CNOT4: variants seen among roughly 807,000 people sequenced by gnomAD.
CNOT4 encodes the protein CCR4-associated factor 4.
CNOT4 carries 8 observed loss-of-function variants against 73.8 expected under a neutral mutation model. The observed-to-expected ratio is 0.11, with a 90% confidence interval of 0.06 to 0.20. The LOEUF (loss-of-function observed/expected upper bound fraction) is 0.20, where lower values mean the gene tolerates loss of function less well. CNOT4 is among the 10% of genes least tolerant of loss of function. The pLI is 1.00. For missense variants in CNOT4, 564 were observed against 883.4 expected, an observed-to-expected ratio of 0.64 and a Z score of 4.58; for synonymous variants, 293 against 321.1, an observed-to-expected ratio of 0.91 and a Z score of 0.94.
chr7:135,377,368 G>A (rs571689243), intron 10 of CNOT4, among the ~76,000 whole-genome samples: 1 of 152,280 alleles, frequency 6.6e-6, no homozygotes, highest in South Asian at 2.1e-4. Context: ...CCCTGGTTGG[G>A]GGTGCTGATA....
chr7:135,413,673 G>A, intron 5 of CNOT4, 60 bp from the exon 6 acceptor site: 1 of 1,530,236 alleles, frequency 6.5e-7, no homozygotes, highest in Admixed American at 2.0e-5. Context: ...AACACAATGA[G>A]AATCTCCATG....
In CNOT4 at chr7:135,470,619, G is replaced by A. The variant is rs74683794; in HGVS notation, c.-92-32196C>T. Among the ~76,000 whole-genome samples, 338 of 150,478 alleles carry A rather than the reference G, an allele frequency of 2.2e-3. 12 individuals are homozygous for A. The East Asian group carries it at 0.054, about 24-fold the overall frequency. ...TCCATCAACATGTAAATGAATAAAT[G>A]AACTGTGGTATACTCATTCAACAGA... On this transcript the variant is annotated intron_variant, in intron 1 of 11. Transcript: ENST00000541284.
intron 7 of CNOT4, among the ~76,000 whole-genome samples, chr7:135,405,964 CTTCT>C (rs745594948): frequency 6.6e-5 from 10 of 152,034 alleles, no homozygotes; most frequent in Non-Finnish European, 1.2e-4. Flanking sequence ...AAATGAAACC[CTTCT>C]TTGAGTTTCT....
At chr7:135,418,981 C>G (rs563906676) in intron 3 of CNOT4, among the ~76,000 whole-genome samples, 1 of 152,264 alleles carries the variant, frequency 6.6e-6, no homozygotes, top group South Asian at 2.1e-4. Context: ...TACTTCCCCC[C>G]TACCCGCCCC....
At chr7:135,445,392 A>C (rs1248363983) in intron 1 of CNOT4, among the ~76,000 whole-genome samples, 1 of 152,196 alleles carries the variant, frequency 6.6e-6, no homozygotes, top group African/African-American at 2.4e-5. Flanking sequence ...TTCCCTCTCT[A>C]GTCAGTAGAT....
rs112506724 is a variant in CNOT4, at chr7:135,398,668, T to G, written c.822-442A>C. Reference sequence around the variant, plus strand: ...AATCTCTACCCTTAAGGAACTTACATTGTAATTAGATTCTCCAAAAATAAT... The same window carrying G: ...AATCTCTACCCTTAAGGAACTTACAGTGTAATTAGATTCTCCAAAAATAAT... On this transcript the variant is annotated intron_variant, in intron 7 of 11. Transcript: ENST00000541284. Among the ~76,000 whole-genome samples the G allele has an allele frequency of 5.7e-3, 862 of 152,204 alleles. 3 individuals are homozygous for G. The highest frequency in any genetic ancestry group is 9.1e-3 in the Non-Finnish European group (616 of 67,932).
intron 1 of CNOT4, among the ~76,000 whole-genome samples, chr7:135,465,837 C>T (rs915773257): frequency 1.3e-5 from 2 of 151,656 alleles, no homozygotes; most frequent in Admixed American, 1.3e-4. Flanking sequence ...CACTTGAGGT[C>T]AGGAGTTCGA....
intron 3 of CNOT4, among the ~76,000 whole-genome samples, chr7:135,416,689 G>A (rs548942831): frequency 2.0e-5 from 3 of 152,254 alleles, no homozygotes; most frequent in East Asian, 1.9e-4. Flanking sequence ...CAGTCAGGCC[G>A]GTCACAGGTT....
chr7:135,483,594 G>A (rs1802528637), intron 1 of CNOT4, among the ~76,000 whole-genome samples: 1 of 151,966 alleles, frequency 6.6e-6, no homozygotes, highest in Non-Finnish European at 1.5e-5. Flanking sequence ...GGAGAGCAGG[G>A]AGGGCAGATT....
rs1796550229 is a variant in CNOT4, at chr7:135,394,118, A to T, written c.1427T>A (p.Phe476Tyr). 1 of 1,614,156 alleles carries T rather than the reference A, an allele frequency of 6.2e-7. No homozygotes were observed. The highest frequency in any genetic ancestry group is 2.2e-5 in the East Asian group (1 of 44,884). ...CGCTCGGTGCTGCTGAAATTGAGGG[A>T]ACCTCTGGGGCAAGACTGAAAAGGT... Reference protein sequence around the residue: ...NSTFSVLPQRFPQFQQHRAVY... With the variant: ...NSTFSVLPQRYPQFQQHRAVY... Residue 476 changes from phenylalanine (F) to tyrosine (Y), a missense_variant, in exon 10 of 12, where the codon TTC becomes TAC. Transcript: ENST00000541284.
At chr7:135,433,286 ATATTT>A (rs1458866977) in intron 2 of CNOT4, among the ~76,000 whole-genome samples, 3 of 149,590 alleles carry the variant, frequency 2.0e-5, no homozygotes, top group Non-Finnish European at 3.0e-5. Context: ...TTTTGCTATT[ATATTT>A]TAATTTTCAA....
At chr7:135,391,880 T>C (rs558220668) in intron 10 of CNOT4, among the ~76,000 whole-genome samples, 43 of 152,138 alleles carry the variant, frequency 2.8e-4, no homozygotes, top group African/African-American at 9.9e-4. Context: ...AGCTAATAAC[T>C]AGAATCCCAT....
At chr7:135,494,660 T>C (rs950045752) in intron 1 of CNOT4, among the ~76,000 whole-genome samples, 3 of 151,884 alleles carry the variant, frequency 2.0e-5, no homozygotes, top group Non-Finnish European at 2.9e-5. Context: ...TGGAAAGAGA[T>C]CAACAACAAA....
intron 10 of CNOT4, among the ~76,000 whole-genome samples, chr7:135,377,938 T>C (rs1452059052): frequency 1.3e-5 from 2 of 152,206 alleles, no homozygotes; most frequent in African/African-American, 4.8e-5. Flanking sequence ...GATATGCTAG[T>C]GCTGTATACT....
At chr7:135,398,639 A>G (rs1796833649) in intron 7 of CNOT4, among the ~76,000 whole-genome samples, 1 of 152,106 alleles carries the variant, frequency 6.6e-6, no homozygotes, top group Non-Finnish European at 1.5e-5. Context: ...CTCAACCTGT[A>G]TAAAATCTCT....
At chr7:135,394,449 T>A in intron 9 of CNOT4, 34 bp from the exon 10 acceptor site, 1 of 1,513,528 alleles carries the variant, frequency 6.6e-7, no homozygotes, top group Non-Finnish European at 9.0e-7. Flanking sequence ...GAATATCAGA[T>A]ACATAGCTCA....
At chr7:135,493,097 C>T (rs1563081764) in intron 1 of CNOT4, among the ~76,000 whole-genome samples, 1 of 152,168 alleles carries the variant, frequency 6.6e-6, no homozygotes, top group African/African-American at 2.4e-5. Flanking sequence ...GCCCCATCTC[C>T]AGGCTCTTGG....
rs992984399 is a variant in CNOT4 at position 135,422,050 on chromosome 7, T to C, written c.372+106A>G. The C allele has an allele frequency of 2.1e-5, 14 of 679,542 alleles. 1 individual carries two copies. Among genetic ancestry groups the C allele is most frequent in the Admixed American group, 1.0e-4 (4 of 40,144 alleles). The allele number at this position is 679,542 out of a possible 1,614,324, so 42.1% of individuals were successfully genotyped here. ...ATTTCTTATTTTCTCCTTCAAGATA[T>C]AATGTGTTCAGAGGAATCACACAAT... On this transcript the variant is annotated intron_variant, in intron 3 of 11. Transcript: ENST00000541284.
At chr7:135,422,052 A>G (rs1393825264) in intron 3 of CNOT4, 104 bp downstream of exon 3, 1 of 687,726 alleles carries the variant, frequency 1.5e-6, no homozygotes, top group African/African-American at 1.8e-5. Flanking sequence ...TCAAGATATA[A>G]TGTGTTCAGA....
Sources: allele counts gnomAD v4.1 joint callset (sites outside exome capture counted in the v4.1 genomes callset), GRCh38; gene constraint gnomAD v4.1.1; transcripts MANE v1.5; gene names NCBI Gene and HGNC (gene_info 2026-07-23, HGNC 2026-07-21).